Variants in SCOC observed in about 807,000 individuals in gnomAD.
The protein encoded by SCOC is short coiled-coil protein, also known as short coiled coil protein.
SCOC carries 7 observed loss-of-function variants against 9.9 expected under a neutral mutation model. The ratio of observed to expected loss-of-function variants is 0.71; its 90% confidence interval spans 0.40 to 1.33. The LOEUF is 1.33. Ranked by LOEUF, SCOC falls within the 40% of genes most tolerant of loss-of-function variation. SCOC has a pLI of 0.01. For synonymous variants in SCOC, 19 were observed against 28.2 expected, an observed-to-expected ratio of 0.67 and a Z score of 1.03; for missense variants, 66 against 89.7, an observed-to-expected ratio of 0.74 and a Z score of 1.07.
chr4:140,264,674 G>T (rs910016765), intron 1 of SCOC, among the ~76,000 whole-genome samples: 1 of 152,166 alleles, frequency 6.6e-6, no homozygotes, highest in African/African-American at 2.4e-5. Flanking sequence ...TATCCCACAT[G>T]ACTTTTGAGT....
chr4:140,320,229 T>G (rs1732458888), intron 1 of SCOC, among the ~76,000 whole-genome samples: 1 of 152,152 alleles, frequency 6.6e-6, no homozygotes, highest in African/African-American at 2.4e-5. Flanking sequence ...TGACACACTT[T>G]CACCAGCACC....
intron 1 of SCOC, among the ~76,000 whole-genome samples, chr4:140,332,445 C>G (rs1447505621): frequency 7.3e-6 from 1 of 136,226 alleles, no homozygotes; most frequent in Non-Finnish European, 1.5e-5. Flanking sequence ...ATGGCATGAT[C>G]TCAGCTCACT....
chr4:140,282,929 A>C (rs896022322), intron 1 of SCOC, among the ~76,000 whole-genome samples: 5 of 152,250 alleles, frequency 3.3e-5, no homozygotes, highest in African/African-American at 1.2e-4. Flanking sequence ...TTATACAAAA[A>C]TAAAATTTGC....
chr4:140,362,273 C>CTGTTCTTCTTCTTCTTCTTCTTTT, intron 2 of SCOC, among the ~76,000 whole-genome samples: 6 of 29,086 alleles, frequency 2.1e-4, no homozygotes, highest in Admixed American at 3.4e-4. Context: ...ACAGGTGTGT[C>CTGTTCTTCTTCTTCTTCTTCTTTT]CTTACTTCTT....
chr4:140,296,250 T>G (rs908596670), intron 1 of SCOC, among the ~76,000 whole-genome samples: 1 of 152,066 alleles, frequency 6.6e-6, no homozygotes, highest in East Asian at 1.9e-4. Context: ...AAATCCAAAA[T>G]GGATTTAATG....
chr4:140,341,674 G>A (rs1326300592), upstream of SCOC, among the ~76,000 whole-genome samples: 2 of 152,180 alleles, frequency 1.3e-5, no homozygotes, highest in African/African-American at 4.8e-5. Flanking sequence ...TGGTTGCCCT[G>A]AGCCTGTACC....
chr4:140,273,733 T>C (rs549191272), intron 1 of SCOC, among the ~76,000 whole-genome samples: 36 of 152,324 alleles, frequency 2.4e-4, no homozygotes, highest in African/African-American at 8.2e-4. Context: ...TTTGTTCATG[T>C]TTAAAGAATT....
At chr4:140,303,895 C>T (rs1334624449) in intron 1 of SCOC, among the ~76,000 whole-genome samples, 1 of 152,172 alleles carries the variant, frequency 6.6e-6, no homozygotes, top group African/African-American at 2.4e-5. Context: ...GTGCCACCTC[C>T]GTTACCTACA....
At chr4:140,373,579 G>C (rs764915044), upstream of SCOC, 1 of 1,551,708 alleles carries the variant, frequency 6.4e-7, no homozygotes, top group Admixed American at 2.0e-5. Flanking sequence ...GCGGGCGAGC[G>C]GCTGGGACGG....
intron 1 of SCOC, among the ~76,000 whole-genome samples, chr4:140,304,877 C>T (rs189718531): frequency 2.2e-4 from 34 of 152,336 alleles, no homozygotes; most frequent in Admixed American, 5.2e-4. Context: ...TACCCCTTTT[C>T]TCCTTTTGCT....
At chr4:140,292,672 C>A (rs1183815324) in intron 1 of SCOC, among the ~76,000 whole-genome samples, 1 of 152,186 alleles carries the variant, frequency 6.6e-6, no homozygotes, top group Non-Finnish European at 1.5e-5. Flanking sequence ...CCACCTGTTA[C>A]CTTGCCGAGG....
At position 140,385,531 on chromosome 4, in the gene SCOC, A is replaced by G. The variant is rs570831388; in HGVS notation, c.*4427A>G. ...GAAGAGTAACCAAAATCATGTATGC[A>G]TTTAGTTCCAACTAGTTAATGTCAC... On this transcript the variant is annotated 3_prime_UTR_variant, in exon 4 of 4. Transcript: ENST00000608372. 1 of 152,298 alleles carries G rather than the reference A, an allele frequency of 6.6e-6. No homozygotes were observed. The highest frequency in any genetic ancestry group is 1.9e-4 in the East Asian group (1 of 5,188). 9.4% of individuals were successfully genotyped at this position (152,298 alleles called of 1,614,324 possible).
intron 2 of SCOC, among the ~76,000 whole-genome samples, chr4:140,361,241 T>C (rs76057598): frequency 4.6e-5 from 7 of 151,920 alleles, no homozygotes; most frequent in Non-Finnish European, 7.4e-5. Context: ...TTTTTTTTTT[T>C]TTCTGGAAAG....
intron 1 of SCOC, among the ~76,000 whole-genome samples, chr4:140,329,488 G>T (rs1391817500): frequency 2.6e-5 from 4 of 152,126 alleles, no homozygotes; most frequent in Admixed American, 1.3e-4. Flanking sequence ...CATAGCTAAA[G>T]AAATAAGCAG....
At chr4:140,323,207 G>A (rs1348342477) in intron 1 of SCOC, among the ~76,000 whole-genome samples, 1 of 152,052 alleles carries the variant, frequency 6.6e-6, no homozygotes, top group Non-Finnish European at 1.5e-5. Flanking sequence ...GTTCACATGA[G>A]ATCTTGTTGT....
chr4:140,343,224 C>T (rs566850092), upstream of SCOC, among the ~76,000 whole-genome samples: 1 of 152,246 alleles, frequency 6.6e-6, no homozygotes, highest in East Asian at 1.9e-4. Flanking sequence ...ATTGATAAAT[C>T]CTTGAGAAGT....
At chr4:140,339,800 G>A (rs1470857038), upstream of SCOC, among the ~76,000 whole-genome samples, 2 of 152,070 alleles carry the variant, frequency 1.3e-5, no homozygotes, top group Middle Eastern at 3.2e-3. Flanking sequence ...GTCAGGGAAC[G>A]ACAGGTGCTG....
rs533214116 is a variant in SCOC at position 140,383,869 on chromosome 4, C to T, written c.*2765C>T. The T allele has an allele frequency of 4.6e-5, 7 of 152,298 alleles. No homozygotes were observed. The South Asian group carries it at 1.5e-3, about 32-fold the overall frequency. 9.4% of individuals were successfully genotyped at this position (152,298 alleles called of 1,614,324 possible). ...ATTCTCAAAGTATGTATTATTTTTG[C>T]CTTTCTTTAATGGAGGCTATCTTGA... On this transcript the variant is annotated 3_prime_UTR_variant, in exon 4 of 4. Coordinates refer to ENST00000608372, the MANE Select transcript of SCOC (RefSeq NM_001153484.2).
At chr4:140,302,933 T>A (rs1731854260) in intron 1 of SCOC, among the ~76,000 whole-genome samples, 1 of 152,284 alleles carries the variant, frequency 6.6e-6, no homozygotes, top group African/African-American at 2.4e-5. Flanking sequence ...AAATGCTCAA[T>A]GATGACATTA....
Sources: allele counts gnomAD v4.1 joint callset (sites outside exome capture counted in the v4.1 genomes callset), GRCh38; gene constraint gnomAD v4.1.1; transcripts MANE v1.5; gene names NCBI Gene and HGNC (gene_info 2026-07-23, HGNC 2026-07-21).